Variants in COL19A1 observed in about 807,000 individuals in gnomAD.
COL19A1 encodes collagen alpha-1(XIX) chain.
Under a neutral mutation model 190.2 loss-of-function variants are expected in COL19A1, and 159 were observed. The observed-to-expected ratio is 0.84, with a 90% CI of 0.73 to 0.95. The LOEUF (loss-of-function observed/expected upper bound fraction) is 0.95. COL19A1 is among the 40% of genes least tolerant of loss of function. The pLI is 0.00. For missense variants in COL19A1, 1,418 were observed against 1,431.9 expected, an observed-to-expected ratio of 0.99 and a Z score of 0.16; for synonymous variants, 509 against 458.9, an observed-to-expected ratio of 1.11 and a Z score of -1.39.
At chr6:69,869,162 A>G (rs1767668444) in intron 1 of COL19A1, among the ~76,000 whole-genome samples, 1 of 152,222 alleles carries the variant, frequency 6.6e-6, no homozygotes, top group African/African-American at 2.4e-5. Context: ...CAGGGAGGGC[A>G]TTCCAGCCAG....
At chr6:70,072,084 C>G (rs1781593757) in intron 15 of COL19A1, among the ~76,000 whole-genome samples, 1 of 151,944 alleles carries the variant, frequency 6.6e-6, no homozygotes, top group African/African-American at 2.4e-5. Flanking sequence ...GGATGGAAAC[C>G]CAGAGAAGTA....
At chr6:70,062,814 A>G (rs908488251) in intron 14 of COL19A1, among the ~76,000 whole-genome samples, 1 of 152,132 alleles carries the variant, frequency 6.6e-6, no homozygotes, top group African/African-American at 2.4e-5. Context: ...AAACAAAAAA[A>G]GGCAGGGGTT....
rs578076701 is a variant in COL19A1, at chr6:70,066,547, T to C, written c.1171-1876T>C. On this transcript the variant is annotated intron_variant, in intron 14 of 50. Coordinates refer to ENST00000620364, the MANE Select transcript of COL19A1 (RefSeq NM_001858.6). The stretch of plus-strand genomic sequence containing the variant: ...CACCAACATGGCACATGTATACATA[T>C]GTAACAAACCTGCACGTTGTGCACA... Among the ~76,000 whole-genome samples, 563 of 152,130 alleles carry C rather than the reference T, an allele frequency of 3.7e-3. 11 individuals are homozygous for C. The highest frequency in any genetic ancestry group is 0.013 in the African/African-American group (534 of 41,512).
chr6:70,078,790 G>A (rs3793050), intron 15 of COL19A1, among the ~76,000 whole-genome samples: 2,111 of 152,304 alleles, frequency 0.014, 38 homozygotes, highest in South Asian at 0.048. Context: ...TCACAGGCCG[G>A]GTTCAGTGGC....
intron 36 of COL19A1, among the ~76,000 whole-genome samples, chr6:70,163,683 G>A (rs148874017): frequency 1.3e-5 from 2 of 152,178 alleles, no homozygotes; most frequent in Non-Finnish European, 2.9e-5. Context: ...AGGATTGGGT[G>A]GGGGAGCCTC....
chr6:70,207,075 T>G, intron 50 of COL19A1, 72 bp from the exon 51 acceptor site: 1 of 1,603,344 alleles, frequency 6.2e-7, no homozygotes, highest in Non-Finnish European at 8.5e-7. Flanking sequence ...GAGTGATCCA[T>G]GTTGGCTAGA....
intron 15 of COL19A1, among the ~76,000 whole-genome samples, chr6:70,091,511 G>C (rs74670801): frequency 6.6e-6 from 1 of 151,674 alleles, no homozygotes; most frequent in African/African-American, 2.4e-5. Context: ...GCTGAAAGTG[G>C]GGAAAATATC....
intron 4 of COL19A1, among the ~76,000 whole-genome samples, chr6:69,913,158 T>C (rs1194639855): frequency 1.3e-5 from 2 of 152,188 alleles, no homozygotes; most frequent in African/African-American, 4.8e-5. Context: ...TGCCTCTCTC[T>C]TCTGATTTAC....
At chr6:69,920,986 A>G (rs374415469) in intron 4 of COL19A1, among the ~76,000 whole-genome samples, 7 of 47,128 alleles carry the variant, frequency 1.5e-4, no homozygotes, top group Admixed American at 3.3e-4. Context: ...ATATTCATAT[A>G]TATATTCATA....
intron 2 of COL19A1, among the ~76,000 whole-genome samples, chr6:69,885,332 T>G (rs2502561): frequency 6.6e-6 from 1 of 151,984 alleles, no homozygotes; most frequent in Non-Finnish European, 1.5e-5. Flanking sequence ...TAAGCAGTGC[T>G]TCTTTTAAAA....
intron 14 of COL19A1, among the ~76,000 whole-genome samples, chr6:70,045,300 G>A (rs1405182794): frequency 7.6e-5 from 10 of 130,796 alleles, no homozygotes; most frequent in Non-Finnish European, 1.2e-4. Context: ...CAACAAGAGC[G>A]AGACTCTGTC....
intron 17 of COL19A1, among the ~76,000 whole-genome samples, chr6:70,123,701 C>T (rs1186154940): frequency 4.0e-5 from 6 of 148,182 alleles, no homozygotes; most frequent in African/African-American, 1.0e-4. Flanking sequence ...AGTAAACTAT[C>T]GCAAGAACAA....
chr6:70,064,568 C>T (rs1342664110), intron 14 of COL19A1, among the ~76,000 whole-genome samples: 8 of 152,184 alleles, frequency 5.3e-5, no homozygotes, highest in South Asian at 2.1e-4. Flanking sequence ...GGATGCCCTC[C>T]TTCACCACTC....
chr6:70,159,884 T>C (rs956033948), intron 34 of COL19A1, among the ~76,000 whole-genome samples: 1 of 152,148 alleles, frequency 6.6e-6, no homozygotes, highest in East Asian at 1.9e-4. Context: ...CCTGAAAGAA[T>C]GGAATCATTC....
At chr6:70,170,317 G>T (rs1765421410) in intron 40 of COL19A1, among the ~76,000 whole-genome samples, 1 of 152,128 alleles carries the variant, frequency 6.6e-6, no homozygotes, top group Non-Finnish European at 1.5e-5. Flanking sequence ...ATCCAGGAAT[G>T]ATAGAATTGT....
At position 70,143,626 on chromosome 6, in the gene COL19A1, C is replaced by T. The variant is rs1011578022; in HGVS notation, c.1627-584C>T. Among the ~76,000 whole-genome samples the T allele has an allele frequency of 9.9e-5, 15 of 151,894 alleles. No homozygotes were observed. The South Asian group carries it at 2.5e-3, about 25-fold the overall frequency. ...GCTTGAGCCTCTCCTGTCTACTAGT[C>T]GGTGCACATATTCTGCTTGGTACTT... On this transcript the variant is annotated intron_variant, in intron 23 of 50. Transcript: ENST00000620364.
intron 15 of COL19A1, among the ~76,000 whole-genome samples, chr6:70,083,986 C>T (rs1431141996): frequency 3.3e-5 from 5 of 151,812 alleles, no homozygotes; most frequent in Non-Finnish European, 7.4e-5. Context: ...AACCTTTTTT[C>T]CCCCCGGAAA....
chr6:70,057,365 GT>G (rs1431592654), intron 14 of COL19A1, among the ~76,000 whole-genome samples: 1 of 151,988 alleles, frequency 6.6e-6, no homozygotes, highest in Non-Finnish European at 1.5e-5. Flanking sequence ...CATTTAGTAG[GT>G]TACTGCCAAA....
At position 70,156,225 on chromosome 6, in the gene COL19A1, C is replaced by T. The variant is rs767469410; in HGVS notation, c.2178C>T (p.Ala726=). ...AGEPGKYDSM[A]RKGDIGPRGP... ...AGCCTGGAAAGTATGATTCCATGGC[C>T]CGGAAGGTGAGAAGCCTGGCTGAAT... The change falls in exon 32 of 51, where the codon GCC becomes GCT. Residue 726 remains alanine, a synonymous_variant. Coordinates refer to ENST00000620364, the MANE Select transcript of COL19A1 (RefSeq NM_001858.6). 8.7e-6 allele frequency: 14 copies of T among 1,613,074 alleles called. No homozygotes were observed. The highest frequency in any genetic ancestry group is 3.3e-4 in the Middle Eastern group (2 of 6,070).
Sources: gnomAD v4.1 joint callset for allele counts (sites outside exome capture counted in the v4.1 genomes callset) on GRCh38, gnomAD v4.1.1 for gene constraint, MANE v1.5 for transcripts, NCBI Gene and HGNC (gene_info 2026-07-23, HGNC 2026-07-21) for gene names.